Variants in ARPC3 observed in about 807,000 individuals in gnomAD.
ARPC3 encodes actin related protein 2/3 complex subunit 3, also known as actin-related protein 2/3 complex subunit 3.
ARPC3 carries 12 observed loss-of-function variants against 27.6 expected under a neutral mutation model. The observed-to-expected ratio is 0.43, with a 90% CI of 0.28 to 0.70. The LOEUF is 0.70. Ranked by LOEUF, ARPC3 falls within the 30% of genes least tolerant of loss-of-function variation. The pLI is 0.17. For synonymous variants in ARPC3, 53 were observed against 67.2 expected, an observed-to-expected ratio of 0.79 and a Z score of 1.03; for missense variants, 153 against 207.7, an observed-to-expected ratio of 0.74 and a Z score of 1.62.
chr12:110,444,911 A>C (rs2062455855), intron 2 of ARPC3: 2 of 165,816 alleles, frequency 1.2e-5, no homozygotes, highest in Admixed American at 5.8e-5. Context: ...CATCTCAGAA[A>C]GCATCAGAAG....
intron 2 of ARPC3, among the ~76,000 whole-genome samples, chr12:110,442,182 A>C (rs953779984): frequency 2.6e-5 from 4 of 152,134 alleles, no homozygotes; most frequent in African/African-American, 9.7e-5. Context: ...AAAAATTTTT[A>C]ATTGTCACCT....
At position 110,436,696 on chromosome 12, in the gene ARPC3, AT is replaced by A. The variant is rs200632933; in HGVS notation, c.253-14del. On this transcript the variant is annotated splice_polypyrimidine_tract_variant and intron_variant, in intron 4 of 6. Transcript: ENST00000228825. ...TTTTGGAATTGCACTGGAAAAAAAA[AT>A]ATATATATATATATACACACACACA... is the stretch of plus-strand genomic sequence containing the variant. 261,802 of 646,790 alleles carry A rather than the reference AT, an allele frequency of 0.4. 55,964 individuals carry two copies. The highest frequency in any genetic ancestry group is 0.46 in the Middle Eastern group (1,139 of 2,458). 40.1% of individuals were successfully genotyped at this position (646,790 alleles called of 1,614,324 possible). A position where few individuals can be genotyped will look rare whatever the true frequency, so the allele number is the denominator to read the frequency against.
chr12:110,445,634 A>G, intron 1 of ARPC3, 83 bp from the exon 2 acceptor site: 1 of 1,056,350 alleles, frequency 9.5e-7, no homozygotes, highest in South Asian at 1.3e-5. Flanking sequence ...TTAAAGGAAA[A>G]AAAGAGTAAA....
intron 2 of ARPC3, among the ~76,000 whole-genome samples, chr12:110,444,241 G>A (rs977928350): frequency 6.6e-6 from 1 of 151,896 alleles, no homozygotes; most frequent in Non-Finnish European, 1.5e-5. Context: ...AAAGTGCTGG[G>A]ATTATAGGTG....
At chr12:110,448,090 G>A (rs578076227) in intron 1 of ARPC3, among the ~76,000 whole-genome samples, 6 of 151,818 alleles carry the variant, frequency 4.0e-5, no homozygotes, top group African/African-American at 1.4e-4. Context: ...ATGTTGCCCA[G>A]GTTGGTCTCA....
chr12:110,437,556 C>T (rs1403076488), intron 3 of ARPC3, among the ~76,000 whole-genome samples: 2 of 152,042 alleles, frequency 1.3e-5, no homozygotes, highest in African/African-American at 2.4e-5. Flanking sequence ...TTAGTAGAGA[C>T]GGGGTTTCAC....
chr12:110,445,397 A>C (rs952720260), intron 2 of ARPC3, 55 bp downstream of exon 2: 74 of 1,317,948 alleles, frequency 5.6e-5, no homozygotes, highest in South Asian at 1.3e-4. Flanking sequence ...TGATCATTTC[A>C]GAAGATTGTT....
At chr12:110,449,867 G>A (rs956882400) in intron 1 of ARPC3, among the ~76,000 whole-genome samples, 1 of 152,190 alleles carries the variant, frequency 6.6e-6, no homozygotes, top group Non-Finnish European at 1.5e-5. Flanking sequence ...TGACCCCGGG[G>A]CGGAGGAGGA....
chr12:110,443,803 GTTC>G (rs1207490642), intron 2 of ARPC3, among the ~76,000 whole-genome samples: 2 of 152,140 alleles, frequency 1.3e-5, no homozygotes, highest in Non-Finnish European at 2.9e-5. Flanking sequence ...AAACCAGCTA[GTTC>G]TTCTAAATGC....
chr12:110,438,831 C>T (rs547231264), intron 3 of ARPC3, among the ~76,000 whole-genome samples: 3 of 150,832 alleles, frequency 2.0e-5, no homozygotes, highest in Non-Finnish European at 3.0e-5. Context: ...TTAGTAGAGA[C>T]GGGGTTTCCC....
intron 5 of ARPC3, 29 bp downstream of exon 5, chr12:110,436,528 A>G (rs750645247): frequency 5.6e-6 from 9 of 1,613,750 alleles, no homozygotes; most frequent in Non-Finnish European, 7.6e-6. Flanking sequence ...TTCTTGTGTC[A>G]CAGAGTGAGG....
At chr12:110,437,871 A>C (rs2062414745) in intron 3 of ARPC3, among the ~76,000 whole-genome samples, 1 of 152,212 alleles carries the variant, frequency 6.6e-6, no homozygotes, top group Admixed American at 6.5e-5. Flanking sequence ...CTAAAGGAGG[A>C]AGCAACTATT....
At chr12:110,442,464 C>T (rs1273757671) in intron 2 of ARPC3, among the ~76,000 whole-genome samples, 2 of 151,872 alleles carry the variant, frequency 1.3e-5, no homozygotes, top group African/African-American at 2.4e-5. Context: ...AAAAACTAGC[C>T]GGGCATGGTG....
intron 1 of ARPC3, among the ~76,000 whole-genome samples, chr12:110,447,886 CTTTTTTT>C (rs796202139): frequency 6.5e-5 from 7 of 107,202 alleles, no homozygotes; most frequent in Admixed American, 3.1e-4. Flanking sequence ...ATTTAGAGTC[CTTTTTTT>C]TTTTTTTTTT....
intron 2 of ARPC3, among the ~76,000 whole-genome samples, chr12:110,441,276 G>A (rs1396495480): frequency 2.6e-5 from 4 of 151,838 alleles, no homozygotes; most frequent in South Asian, 2.1e-4. Context: ...GGGATTATAC[G>A]CATGTACCAC....
intron 2 of ARPC3, among the ~76,000 whole-genome samples, chr12:110,442,221 C>T (rs1208999556): frequency 6.6e-6 from 1 of 151,988 alleles, no homozygotes; most frequent in East Asian, 1.9e-4. Flanking sequence ...AAATAACTAC[C>T]ATTAGCATTT....
intron 2 of ARPC3, among the ~76,000 whole-genome samples, chr12:110,441,106 G>A (rs1306937019): frequency 2.6e-5 from 4 of 151,616 alleles, no homozygotes; most frequent in South Asian, 2.1e-4. Flanking sequence ...GCCTCCCAAC[G>A]TGCTGGGATC....
chr12:110,448,548 T>C (rs550553220), intron 1 of ARPC3, among the ~76,000 whole-genome samples: 1 of 151,048 alleles, frequency 6.6e-6, no homozygotes, highest in South Asian at 2.1e-4. Context: ...CATGGTGGCG[T>C]ACACCTGTAG....
At chr12:110,447,410 C>A (rs1210068794) in intron 1 of ARPC3, among the ~76,000 whole-genome samples, 1 of 152,160 alleles carries the variant, frequency 6.6e-6, no homozygotes, top group South Asian at 2.1e-4. Flanking sequence ...ATGTGCAAGA[C>A]ACTGTGATAT....
Sources: allele counts gnomAD v4.1 joint callset (sites outside exome capture counted in the v4.1 genomes callset), GRCh38; gene constraint gnomAD v4.1.1; transcripts MANE v1.5; gene names NCBI Gene and HGNC (gene_info 2026-07-23, HGNC 2026-07-21).